Variants in TEKT2 observed in about 807,000 individuals in gnomAD.
TEKT2 encodes the protein tektin 2.
A neutral mutation model predicts 49.8 loss-of-function variants in TEKT2; 45 were observed. That is an observed-to-expected ratio of 0.90 (90% CI 0.71 to 1.16). The LOEUF is 1.16. Ranked by LOEUF, TEKT2 falls within the 50% of genes most tolerant of loss-of-function variation. The pLI, the probability that TEKT2 is intolerant of heterozygous loss-of-function variation, is 0.00. For synonymous variants in TEKT2, 202 were observed against 224.6 expected (o/e 0.90, Z 0.90); for missense variants, 523 against 551.4 (o/e 0.95, Z 0.52).
rs374881157 is a variant in TEKT2, at chr1:36,084,906, T to C, written c.-16T>C. On this transcript the variant is annotated 5_prime_UTR_variant, in exon 2 of 10. Coordinates refer to ENST00000207457, the MANE Select transcript of TEKT2 (RefSeq NM_014466.3). The surrounding 1 kb of genome is among the most constrained non-coding windows in gnomAD (Gnocchi z 4.1). Reference sequence around the variant, plus strand: ...GAACAGGCCTAGGGGTTTCTGACCCTTCTGGTTTCTGTGCCATGGCCACGC... The same window carrying C: ...GAACAGGCCTAGGGGTTTCTGACCCCTCTGGTTTCTGTGCCATGGCCACGC... 2 of 1,613,304 alleles carry C rather than the reference T, an allele frequency of 1.2e-6. No individual in the cohort carries two copies. The highest frequency in any genetic ancestry group is 2.7e-5 in the African/African-American group (2 of 74,924).
Position 36,084,976 on chromosome 1 carries a change from A to C in TEKT2, c.55A>C (p.Thr19Pro), listed in dbSNP as rs759641086. ...GCGCTTCCAGCTGCCCGACTGGCAC[A>C]CTAACAGCTACCTGCTATCCACCAA... Reference protein sequence around the residue: ...SRRFQLPDWHTNSYLLSTNAQ... With the variant: ...SRRFQLPDWHPNSYLLSTNAQ... The change falls in exon 2 of 10, where the codon ACT becomes CCT. Residue 19 changes from threonine to proline, a missense_variant. Coordinates refer to ENST00000207457, the MANE Select transcript of TEKT2 (RefSeq NM_014466.3). The surrounding 1 kb of genome is among the most constrained non-coding windows in gnomAD (Gnocchi z 4.1). 9 of 1,613,940 alleles carry C rather than the reference A, an allele frequency of 5.6e-6. No individual in the cohort carries two copies. The highest frequency in any genetic ancestry group is 3.3e-4 in the Middle Eastern group (2 of 6,084).
Position 36,086,590 on chromosome 1 carries a change from C to A in TEKT2, c.489-114C>A. 6 of 1,410,276 alleles carry A rather than the reference C, an allele frequency of 4.3e-6. No individual in the cohort carries two copies. The East Asian group carries it at 1.4e-4, about 32-fold the overall frequency. The allele number at this position is 1,410,276 out of a possible 1,614,324, so 87.4% of individuals were successfully genotyped here. On this transcript the variant is annotated intron_variant, in intron 4 of 9. Transcript: ENST00000207457. ...GTCTCAGTGGCTGAAGCTCCATTGT[C>A]TTCTGCTGGGAAGGGTCACCCCAGC...
In TEKT2 at chr1:36,085,093, T is replaced by C. The variant is rs1214407264; in HGVS notation, c.156+16T>C. 1.2e-6 allele frequency: 2 copies of C among 1,614,084 alleles called. No homozygotes were observed. The highest frequency in any genetic ancestry group is 1.7e-6 in the Non-Finnish European group (2 of 1,180,062). ...CAACAACCAGGTTGGGGATGGGAACTCAGCTGGGTGGGCAAAGGGATAGCC... is the reference window on the plus strand; with the variant it reads ...CAACAACCAGGTTGGGGATGGGAACCCAGCTGGGTGGGCAAAGGGATAGCC... On this transcript the variant is annotated intron_variant, in intron 2 of 9. Coordinates refer to ENST00000207457, the MANE Select transcript of TEKT2 (RefSeq NM_014466.3).
Position 36,084,567 on chromosome 1 carries a change from A to T in TEKT2, c.-52-303A>T. 2.5e-6 allele frequency: 1 copy of T among 399,160 alleles called. No homozygotes were observed. Among genetic ancestry groups the T allele is most frequent in the Non-Finnish European group, 4.7e-6 (1 of 214,888 alleles). The allele number at this position is 399,160 out of a possible 1,614,324, so 24.7% of individuals were successfully genotyped here. A position where few individuals can be genotyped will look rare whatever the true frequency, so the allele number is the denominator to read the frequency against. ...GCATTAAGGGCAATTTTTTTCTGCC[A>T]TCCGCCTACCCCCCAGGCATTTGGC... On this transcript the variant is annotated intron_variant, in intron 1 of 9. Coordinates refer to ENST00000207457, the MANE Select transcript of TEKT2 (RefSeq NM_014466.3). This position sits in a 1 kb window ranked among gnomAD's most constrained non-coding sequence, Gnocchi z 4.1.
rs372268636 is a variant in TEKT2, at chr1:36,087,746, G to A, written c.1018G>A (p.Asp340Asn). Reference protein sequence around the residue: ...CRDQAQYGLTDEVHQLEATIA... With the variant: ...CRDQAQYGLTNEVHQLEATIA... ...CCTCCAGGCACAGTACGGCCTCACC[G>A]ACGAGGTTCACCAGCTAGAGGCAAC... The change falls in exon 9 of 10, where the codon GAC becomes AAC. Residue 340 changes from aspartate to asparagine, a missense_variant. Coordinates refer to ENST00000207457, the MANE Select transcript of TEKT2 (RefSeq NM_014466.3). This position sits in a 1 kb window ranked among gnomAD's most constrained non-coding sequence, Gnocchi z 4.9. 46 of 1,613,604 alleles carry A rather than the reference G, an allele frequency of 2.9e-5. No homozygotes were observed. The highest frequency in any genetic ancestry group is 1.3e-4 in the African/African-American group (10 of 74,926).
chr1:36,085,600 C>T (rs535525440), intron 3 of TEKT2: 118 of 593,448 alleles, frequency 2.0e-4, no homozygotes, highest in African/African-American at 1.9e-3. Context: ...CTGCAACCTC[C>T]GCCTCCTGGG....
rs748985076 is a variant in TEKT2, at chr1:36,085,223, C to T, written c.217C>T (p.Arg73Trp). 32 of 1,614,076 alleles carry T rather than the reference C, an allele frequency of 2.0e-5. No homozygotes were observed. The Admixed American group carries it at 3.8e-4, about 19-fold the overall frequency. Reference protein sequence around the residue: ...RLVERIDTVNRWKEMLDKCLT... With the variant: ...RLVERIDTVNWWKEMLDKCLT... ...GGTGGAGAGGATTGATACTGTCAAC[C>T]GGTGGAAGGAGATGCTGGACAAGTG... is the stretch of plus-strand genomic sequence containing the variant. Residue 73 changes from arginine to tryptophan, a missense_variant, in exon 3 of 10, where the codon CGG becomes TGG. Coordinates refer to ENST00000207457, the MANE Select transcript of TEKT2 (RefSeq NM_014466.3).
At chr1:36,086,648 G>C in intron 4 of TEKT2, 56 bp from the exon 5 acceptor site, 1 of 1,613,110 alleles carries the variant, frequency 6.2e-7, no homozygotes, top group South Asian at 1.1e-5. Flanking sequence ...TTAGTACAGT[G>C]AGGCCTGCCT....
Position 36,086,832 on chromosome 1 carries a change from C to T in TEKT2, c.617C>T (p.Thr206Ile), listed in dbSNP as rs1439684993. The change falls in exon 5 of 10, where the codon ACA becomes ATA. Residue 206 changes from threonine (T) to isoleucine (I), a missense_variant. By Grantham distance (89) the Thr-to-Ile change is moderately conservative. Coordinates refer to ENST00000207457, the MANE Select transcript of TEKT2 (RefSeq NM_014466.3). Reference sequence around the variant, plus strand: ...AACATCTCGCTGAAGGTTGACCCCACACGTGTACCTGATGGGTAAGAAGAG... The same window carrying T: ...AACATCTCGCTGAAGGTTGACCCCATACGTGTACCTGATGGGTAAGAAGAG... ...SPNISLKVDP[T>I]RVPDGSTTLQ... The T allele has an allele frequency of 1.2e-6, 2 of 1,614,096 alleles. No individual in the cohort carries two copies. Among genetic ancestry groups the T allele is most frequent in the African/African-American group, 2.7e-5 (2 of 74,920 alleles).
Position 36,088,056 on chromosome 1 carries a change from C to G in TEKT2, c.1163C>G (p.Thr388Ser). ...AAGGCCAACTCCATGCTGCTGGACACCAAGTGCATGGACACACGGCGCAAG... is the reference window on the plus strand; with the variant it reads ...AAGGCCAACTCCATGCTGCTGGACAGCAAGTGCATGGACACACGGCGCAAG... ...ACKANSMLLD[T>S]KCMDTRRKLT... The change falls in exon 10 of 10, where the codon ACC (threonine) becomes AGC (serine). Residue 388 changes from threonine to serine, a missense_variant. Thr to Ser is a moderately conservative substitution (Grantham distance 58). Transcript: ENST00000207457. The G allele has an allele frequency of 6.2e-7, 1 of 1,612,926 alleles. No individual in the cohort carries two copies.
chr1:36,085,502 C>CTTTT (rs1557729258), intron 3 of TEKT2, among the ~76,000 whole-genome samples: 111 of 131,394 alleles, frequency 8.4e-4, no homozygotes, highest in African/African-American at 3.2e-3. Flanking sequence ...TTCTTTCTTT[C>CTTTT]TTTTCTTTTT....
chr1:36,086,055 A>G lies in TEKT2; in HGVS notation c.488+14A>G, dbSNP rs1387094672. The G allele has an allele frequency of 3.2e-6, 5 of 1,562,192 alleles. No homozygotes were observed. Among genetic ancestry groups the G allele is most frequent in the Admixed American group, 1.9e-5 (1 of 51,942 alleles). The stretch of plus-strand genomic sequence containing the variant: ...CGAGCAGCTCTGGTAAGGGAGAGGC[A>G]GGTCGTCCGCATGTTCATGGGCCCC... On this transcript the variant is annotated intron_variant, in intron 4 of 9. Transcript: ENST00000207457.
At position 36,087,239 on chromosome 1, in the gene TEKT2, G is replaced by A. The variant is rs146736752; in HGVS notation, c.783G>A (p.Thr261=). The A allele has an allele frequency of 2.0e-3, 3,303 of 1,614,114 alleles. 9 individuals are homozygous for A. Among genetic ancestry groups the A allele is most frequent in the Non-Finnish European group, 2.5e-3 (2,918 of 1,180,028 alleles). The change falls in exon 7 of 10, where the codon ACG becomes ACA. Residue 261 remains threonine, a synonymous_variant. Coordinates refer to ENST00000207457, the MANE Select transcript of TEKT2 (RefSeq NM_014466.3). This position sits in a 1 kb window ranked among gnomAD's most constrained non-coding sequence, Gnocchi z 4.9. ...NNELEAQRVA[T]EFAFRKRLRE... Reference sequence around the variant, plus strand: ...AGCTTGAAGCCCAGAGAGTTGCAACGGAATTTGCCTTCAGGAAGCGGCTGC... The same window carrying A: ...AGCTTGAAGCCCAGAGAGTTGCAACAGAATTTGCCTTCAGGAAGCGGCTGC...
chr1:36,087,397 G>A lies in TEKT2; in HGVS notation c.856-42G>A, dbSNP rs374896105. 1.2e-5 allele frequency: 19 copies of A among 1,613,754 alleles called. No individual in the cohort carries two copies. The highest frequency in any genetic ancestry group is 1.1e-4 in the East Asian group (5 of 44,896). The stretch of plus-strand genomic sequence containing the variant: ...AGGAGGCACTGGACCAGGCATGCAC[G>A]TGAGTCCAGCAGGTGGAAACCAGTC... On this transcript the variant is annotated intron_variant, in intron 7 of 9. Coordinates refer to ENST00000207457, the MANE Select transcript of TEKT2 (RefSeq NM_014466.3). The surrounding 1 kb of genome is among the most constrained non-coding windows in gnomAD (Gnocchi z 4.9).
rs1050707700 is a variant in TEKT2 at position 36,087,916 on chromosome 1, G to A, written c.1080-57G>A. ...GTCTTCCTGACTGAAGGCTATGCAC[G>A]CAGCCCAGGCCTCCCAGCCTCATGG... is the stretch of plus-strand genomic sequence containing the variant. On this transcript the variant is annotated intron_variant, in intron 9 of 9. Coordinates refer to ENST00000207457, the MANE Select transcript of TEKT2 (RefSeq NM_014466.3). The surrounding 1 kb of genome is among the most constrained non-coding windows in gnomAD (Gnocchi z 4.9). 6.9e-6 allele frequency: 11 copies of A among 1,589,436 alleles called. No homozygotes were observed. The South Asian group carries it at 7.9e-5, about 11-fold the overall frequency.
At chr1:36,086,555 G>A (rs1301581224) in intron 4 of TEKT2, 149 bp from the exon 5 acceptor site, 1 of 1,049,508 alleles carries the variant, frequency 9.5e-7, no homozygotes, top group African/African-American at 1.6e-5. Flanking sequence ...ATCCAGCTGT[G>A]CTGCTCTTGG....
At position 36,085,605 on chromosome 1, in the gene TEKT2, C is replaced by A. The variant is rs1275398356; in HGVS notation, c.283-231C>A. 12 of 578,538 alleles carry A rather than the reference C, an allele frequency of 2.1e-5. No homozygotes were observed. In the African/African-American group the frequency reaches 2.3e-4, roughly 11 times the overall value. 35.8% of individuals were successfully genotyped at this position (578,538 alleles called of 1,614,324 possible). A position where few individuals can be genotyped will look rare whatever the true frequency, so the allele number is the denominator to read the frequency against. ...TCGTGGCTCACTGCAACCTCCGCCTCCTGGGCTCAAGCGATTCTCCTGCCT... is the reference window on the plus strand; with the variant it reads ...TCGTGGCTCACTGCAACCTCCGCCTACTGGGCTCAAGCGATTCTCCTGCCT... On this transcript the variant is annotated intron_variant, in intron 3 of 9. Coordinates refer to ENST00000207457, the MANE Select transcript of TEKT2 (RefSeq NM_014466.3).
rs994402627 is a variant in TEKT2 at position 36,084,795 on chromosome 1, C to G, written c.-52-75C>G. ...GGGCTCAGAGCAAAATGGACAGGAA[C>G]AAGTCCTGCGCAGGGGGCGTGTGAT... On this transcript the variant is annotated intron_variant, in intron 1 of 9. Transcript: ENST00000207457. The surrounding 1 kb of genome is among the most constrained non-coding windows in gnomAD (Gnocchi z 4.1). The G allele has an allele frequency of 2.1e-6, 3 of 1,421,028 alleles. No homozygotes were observed. The highest frequency in any genetic ancestry group is 3.0e-6 in the Non-Finnish European group (3 of 1,011,462). 88.0% of individuals were successfully genotyped at this position (1,421,028 alleles called of 1,614,324 possible).
intron 4 of TEKT2, 132 bp downstream of exon 4, chr1:36,086,173 C>G (rs897417238): frequency 6.4e-6 from 6 of 935,722 alleles, no homozygotes; most frequent in Middle Eastern, 3.1e-4. Context: ...GTGCCTGTGA[C>G]AGAAACCACT....
Sources: gnomAD v4.1 joint callset for allele counts (sites outside exome capture counted in the v4.1 genomes callset) on GRCh38, gnomAD v4.1.1 for gene constraint, Gnocchi (gnomAD v3.1) non-coding constraint, MANE v1.5 for transcripts, NCBI Gene and HGNC (gene_info 2026-07-23, HGNC 2026-07-21) for gene names.